The following DOC2A variants were observed in gnomAD, a reference collection of about 807,000 sequenced individuals.
The protein encoded by DOC2A is double C2 domain alpha, also known as double C2-like domain-containing protein alpha.
DOC2A carries 28 observed loss-of-function variants against 40.6 expected under a neutral mutation model. The observed-to-expected ratio is 0.69, with a 90% CI of 0.51 to 0.95. The LOEUF (loss-of-function observed/expected upper bound fraction) is 0.95. Ranked by LOEUF, DOC2A falls within the 40% of genes least tolerant of loss-of-function variation. The probability of loss-of-function intolerance (pLI) is 0.00; values close to 1 mark genes in which losing one functional copy is unlikely to be tolerated. For missense variants in DOC2A, 474 were observed against 552.5 expected (o/e 0.86, Z 1.42); for synonymous variants, 241 against 236.9 (o/e 1.02, Z -0.16).
At chr16:30,023,137 G>A, upstream of DOC2A, 1 of 486,056 alleles carries the variant, frequency 2.1e-6, no homozygotes, top group Non-Finnish European at 3.8e-6. Flanking sequence ...TAAATGCTGG[G>A]GCTGCCACCA....
chr16:30,011,489 G>T, upstream of DOC2A: 1 of 892,650 alleles, frequency 1.1e-6, no homozygotes, highest in Non-Finnish European at 1.3e-6. Context: ...CTCCCTCCCG[G>T]GTCCCCAAGG....
chr16:30,007,485 G>A (rs1376927719), intron 5 of DOC2A, 186 bp from the exon 6 acceptor site: 5 of 744,554 alleles, frequency 6.7e-6, no homozygotes, highest in African/African-American at 1.7e-5. Flanking sequence ...CCACCCGGCT[G>A]TCCCTGGTCC....
chr16:30,019,717 C>T (rs1285523400), intron 1 of DOC2A, among the ~76,000 whole-genome samples: 1 of 152,104 alleles, frequency 6.6e-6, no homozygotes, highest in Non-Finnish European at 1.5e-5. Context: ...GGGCACGAGC[C>T]CTGGCCCAGC....
intron 1 of DOC2A, chr16:30,019,024 G>C (rs1471122522): frequency 6.6e-6 from 1 of 152,242 alleles, no homozygotes; most frequent in African/African-American, 2.4e-5. Context: ...GATTAGAAGA[G>C]GTTGAAGAAT....
rs1418111298 is a variant in DOC2A at position 30,006,999 on chromosome 16, A to G, written c.714+32T>C. The G allele has an allele frequency of 6.2e-7, 1 of 1,613,672 alleles. No individual in the cohort carries two copies. The highest frequency in any genetic ancestry group is 8.5e-7 in the Non-Finnish European group (1 of 1,179,832). On this transcript the variant is annotated intron_variant, in intron 7 of 10. Transcript: ENST00000350119. This position sits in a 1 kb window ranked among gnomAD's most constrained non-coding sequence, Gnocchi z 6.2. ...CCTGGGCCCCTGCAGCCTCCCACCC[A>G]CATGCATCCCCATCCCCATGAGGTG...
At chr16:30,008,656 C>A in intron 5 of DOC2A, 1 of 321,124 alleles carries the variant, frequency 3.1e-6, no homozygotes, top group Non-Finnish European at 6.1e-6. Flanking sequence ...AGGTACATGC[C>A]ACCACGCCCG....
intron 1 of DOC2A, among the ~76,000 whole-genome samples, chr16:30,017,682 T>C (rs946520364): frequency 2.0e-5 from 3 of 151,692 alleles, no homozygotes; most frequent in South Asian, 2.1e-4. Flanking sequence ...TATTGCCGGG[T>C]GCGGTGGCTC....
upstream of DOC2A, among the ~76,000 whole-genome samples, chr16:30,015,614 G>A (rs936897933): frequency 1.3e-5 from 2 of 151,456 alleles, no homozygotes; most frequent in Admixed American, 6.6e-5. Flanking sequence ...ACTGTGCCTG[G>A]CCAAATTTTG....
chr16:30,006,269 G>T lies in DOC2A; in HGVS notation c.1120C>A (p.Gln374Lys). Reference protein sequence around the residue: ...EARKHWSDCLQQPDAALERWH... With the variant: ...EARKHWSDCLKQPDAALERWH... ...CGCTCCAGGGCTGCGTCCGGCTGCT[G>T]CAGGCAGTCACTCCAGTGCTTCCGA... Residue 374 changes from glutamine to lysine, a missense_variant, in exon 11 of 11, where the codon CAG becomes AAG. By Grantham distance (53) the Gln-to-Lys change is moderately conservative (BLOSUM62 1). Transcript: ENST00000350119. This position sits in a 1 kb window ranked among gnomAD's most constrained non-coding sequence, Gnocchi z 6.2. The T allele has an allele frequency of 6.2e-7, 1 of 1,604,380 alleles. No homozygotes were observed.
Position 30,010,610 on chromosome 16 carries a change from G to A in DOC2A, c.-14+293C>T, listed in dbSNP as rs553773373. 4 of 333,018 alleles carry A rather than the reference G, an allele frequency of 1.2e-5. No individual in the cohort carries two copies. In the East Asian group the frequency reaches 2.3e-4, roughly 19 times the overall value. The allele number at this position is 333,018 out of a possible 1,614,324, so 20.6% of individuals were successfully genotyped here. On this transcript the variant is annotated intron_variant, in intron 1 of 10. Transcript: ENST00000350119. The surrounding 1 kb of genome is among the most constrained non-coding windows in gnomAD (Gnocchi z 4.2). ...CAGGGCCCCGCCTCTGTTTCTCGGA[G>A]GCTCTGTCCTCCTCTGCACCAGGCG...
At chr16:30,012,448 A>G (rs536807518), upstream of DOC2A, 6 of 152,336 alleles carry the variant, frequency 3.9e-5, no homozygotes, top group Non-Finnish European at 7.3e-5. Context: ...TAAAACAGCA[A>G]TCTGGTTGCA....
At position 30,006,057 on chromosome 16, in the gene DOC2A, A is replaced by G; in HGVS notation, c.*129T>C. 9.2e-7 allele frequency: 1 copy of G among 1,085,888 alleles called. No homozygotes were observed. The highest frequency in any genetic ancestry group is 1.3e-6 in the Non-Finnish European group (1 of 775,700). 67.3% of individuals were successfully genotyped at this position (1,085,888 alleles called of 1,614,324 possible). ...CCTCATGAGCAGACAGACCCGGGTC[A>G]CGGAGACTCACAAAAATAGGTAGTG... On this transcript the variant is annotated 3_prime_UTR_variant, in exon 11 of 11. Coordinates refer to ENST00000350119, the MANE Select transcript of DOC2A (RefSeq NM_003586.3). This position sits in a 1 kb window ranked among gnomAD's most constrained non-coding sequence, Gnocchi z 6.2.
rs745371931 is a variant in DOC2A, at chr16:30,009,193, G to A, written c.417+9C>T. The A allele has an allele frequency of 8.1e-6, 13 of 1,603,042 alleles. No individual in the cohort carries two copies. In the East Asian group the frequency reaches 2.7e-4, roughly 33 times the overall value. On this transcript the variant is annotated intron_variant, in intron 4 of 10. Transcript: ENST00000350119. The surrounding 1 kb of genome is among the most constrained non-coding windows in gnomAD (Gnocchi z 4.1). ...GGCTGGGCCGGGCGGGGCGAGAGGA[G>A]GCTGTTACCTTACAGGCTCCAGGCA...
chr16:30,016,928 C>T (rs1247289554), upstream of DOC2A, among the ~76,000 whole-genome samples: 2 of 152,180 alleles, frequency 1.3e-5, no homozygotes. Flanking sequence ...CAAAGATTAA[C>T]ACCTCACTTC....
chr16:30,006,694 G>C lies in DOC2A; in HGVS notation c.879-17C>G, dbSNP rs755532325. 8.1e-6 allele frequency: 13 copies of C among 1,613,720 alleles called. No homozygotes were observed. Among genetic ancestry groups the C allele is most frequent in the Non-Finnish European group, 1.1e-5 (13 of 1,179,928 alleles). On this transcript the variant is annotated splice_polypyrimidine_tract_variant and intron_variant, in intron 8 of 10. Coordinates refer to ENST00000350119, the MANE Select transcript of DOC2A (RefSeq NM_003586.3). This position sits in a 1 kb window ranked among gnomAD's most constrained non-coding sequence, Gnocchi z 6.2. ...CTCAGGTACCTGGGGGTGGGGTGGA[G>C]GGAGACGAACTGAGGGGTGAGGGAC... is the stretch of plus-strand genomic sequence containing the variant.
chr16:30,010,049 G>A lies in DOC2A; in HGVS notation c.174C>T (p.Pro58=), dbSNP rs1217197530. 1 of 1,611,966 alleles carries A rather than the reference G, an allele frequency of 6.2e-7. No individual in the cohort carries two copies. Among genetic ancestry groups the A allele is most frequent in the Non-Finnish European group, 8.5e-7 (1 of 1,179,516 alleles). ...GGGEAPAHLV[P]LALAPPAALL... Reference sequence around the variant, plus strand: ...GGGCTGCAGGGGGGGCCAGAGCCAGGGGGACCAGATGGGCGGGGGCCTCCC... The same window carrying A: ...GGGCTGCAGGGGGGGCCAGAGCCAGAGGGACCAGATGGGCGGGGGCCTCCC... The change falls in exon 2 of 11, where the codon CCC becomes CCT. Residue 58 remains proline, a synonymous_variant. Transcript: ENST00000350119. This position sits in a 1 kb window ranked among gnomAD's most constrained non-coding sequence, Gnocchi z 4.2.
chr16:30,015,268 C>T (rs1337977081), upstream of DOC2A: 1 of 152,144 alleles, frequency 6.6e-6, no homozygotes, highest in East Asian at 1.9e-4. Flanking sequence ...GTTACCTGTT[C>T]CAAAGAATAC....
At position 30,009,524 on chromosome 16, in the gene DOC2A, T is replaced by A. The variant is rs775662234; in HGVS notation, c.296A>T (p.Tyr99Phe). 7 of 1,551,156 alleles carry A rather than the reference T, an allele frequency of 4.5e-6. No individual in the cohort carries two copies. The highest frequency in any genetic ancestry group is 2.6e-6 in the Non-Finnish European group (3 of 1,146,916). The change falls in exon 3 of 11, where the codon TAC (tyrosine) becomes TTC (phenylalanine). Residue 99 changes from tyrosine to phenylalanine, a missense_variant. By Grantham distance (22) the Tyr-to-Phe change is conservative (BLOSUM62 3). Transcript: ENST00000350119. The surrounding 1 kb of genome is among the most constrained non-coding windows in gnomAD (Gnocchi z 4.1). ...GTGCAGAGTGCAGGAGGCCCGGTCGTAGAGAAGGTCAAACTCCAGCGTGCC... is the reference window on the plus strand; with the variant it reads ...GTGCAGAGTGCAGGAGGCCCGGTCGAAGAGAAGGTCAAACTCCAGCGTGCC... ...ALGTLEFDLL[Y>F]DRASCTLHCS...
chr16:30,006,743 G>A lies in DOC2A; in HGVS notation c.878+42C>T, dbSNP rs1437983288. 1 of 1,613,862 alleles carries A rather than the reference G, an allele frequency of 6.2e-7. No individual in the cohort carries two copies. Among genetic ancestry groups the A allele is most frequent in the Non-Finnish European group, 8.5e-7 (1 of 1,179,946 alleles). ...ACAGGCCAGGCCCAACTCAGGCCAG[G>A]GCAGGCTCCCTGGGGAGGAGAGGGT... On this transcript the variant is annotated intron_variant, in intron 8 of 10. Coordinates refer to ENST00000350119, the MANE Select transcript of DOC2A (RefSeq NM_003586.3). This position sits in a 1 kb window ranked among gnomAD's most constrained non-coding sequence, Gnocchi z 6.2.
Sources: gnomAD v4.1 joint callset for allele counts (sites outside exome capture counted in the v4.1 genomes callset) on GRCh38, gnomAD v4.1.1 for gene constraint, Gnocchi (gnomAD v3.1) non-coding constraint, MANE v1.5 for transcripts, NCBI Gene and HGNC (gene_info 2026-07-23, HGNC 2026-07-21) for gene names.